Variants in LNX2 observed in about 807,000 individuals in gnomAD.
The protein encoded by LNX2 is ligand of numb-protein X 2, also known as ligand of Numb protein X 2.
In LNX2, 35 loss-of-function variants were observed where a neutral mutation model predicts 66.2. That is an observed-to-expected ratio of 0.53 (90% CI 0.40 to 0.70). The LOEUF (loss-of-function observed/expected upper bound fraction) is 0.70, where lower values mean the gene tolerates loss of function less well. LNX2 is among the 30% of genes least tolerant of loss of function. LNX2 has a pLI of 0.00. For synonymous variants in LNX2, 337 were observed against 315.6 expected, an observed-to-expected ratio of 1.07 and a Z score of -0.72; for missense variants, 791 against 850.8, an observed-to-expected ratio of 0.93 and a Z score of 0.87.
intron 1 of LNX2, among the ~76,000 whole-genome samples, chr13:27,590,652 C>G (rs909114963): frequency 1.2e-4 from 19 of 152,192 alleles, no homozygotes; most frequent in Middle Eastern, 6.8e-3. Flanking sequence ...CAATCTTATA[C>G]TTTTTCATAA....
chr13:27,592,260 T>G (rs558295531), intron 1 of LNX2, among the ~76,000 whole-genome samples: 1 of 152,248 alleles, frequency 6.6e-6, no homozygotes, highest in African/African-American at 2.4e-5. Context: ...TGAACATAGT[T>G]GAGATAGAGA....
chr13:27,594,881 A>G (rs1955580608), intron 1 of LNX2, among the ~76,000 whole-genome samples: 1 of 151,452 alleles, frequency 6.6e-6, no homozygotes, highest in Non-Finnish European at 1.5e-5. Flanking sequence ...TGTTGCACCT[A>G]CTCTTTTAGC....
chr13:27,589,471 T>C (rs962296239), intron 1 of LNX2, among the ~76,000 whole-genome samples: 1 of 152,228 alleles, frequency 6.6e-6, no homozygotes, highest in Admixed American at 6.5e-5. Context: ...TTAGTCTCAG[T>C]ATTTGTTCAT....
At chr13:27,560,092 C>T (rs539078128) in intron 5 of LNX2, 107 bp from the exon 6 acceptor site, 78 of 984,450 alleles carry the variant, frequency 7.9e-5, no homozygotes, top group African/African-American at 5.0e-4. Flanking sequence ...TGTACCAGGG[C>T]GTCATCTGGA....
intron 6 of LNX2, among the ~76,000 whole-genome samples, chr13:27,557,133 AAAAT>A (rs1955071249): frequency 6.6e-6 from 1 of 152,174 alleles, no homozygotes; most frequent in African/African-American, 2.4e-5. Flanking sequence ...AATTCAGTAA[AAAAT>A]AAGATGTACA....
At chr13:27,600,315 C>T (rs1302984476) in intron 1 of LNX2, among the ~76,000 whole-genome samples, 1 of 152,152 alleles carries the variant, frequency 6.6e-6, no homozygotes, top group Admixed American at 6.5e-5. Flanking sequence ...ACATTTCAAA[C>T]CCAATGCCAA....
At chr13:27,549,528 T>C (rs1954981817) in intron 9 of LNX2, among the ~76,000 whole-genome samples, 1 of 152,178 alleles carries the variant, frequency 6.6e-6, no homozygotes, top group Non-Finnish European at 1.5e-5. Context: ...CAGATAGTCC[T>C]GGGTTTGAAT....
rs1955434724 is a variant in LNX2, at chr13:27,583,235, T to TGCGC, written c.-100-1433_-100-1432insGCGC. 1.2e-4 allele frequency among the ~76,000 whole-genome samples: 2 copies of TGCGC among 17,144 alleles called. 1 individual carries two copies. Among genetic ancestry groups the TGCGC allele is most frequent in the Non-Finnish European group, 2.3e-4 (2 of 8,668 alleles). The allele number at this position is 17,144 out of a possible 152,430, so 11.2% of individuals were successfully genotyped here. ...GTGTGTGTGTGTGTGTGTGTGTGTG[T>TGCGC]GTGTGTGTGTGTGTGTGTGTGCGCG... On this transcript the variant is annotated intron_variant, in intron 1 of 9. Coordinates refer to ENST00000316334, the MANE Select transcript of LNX2 (RefSeq NM_153371.4).
chr13:27,567,364 A>G (rs1955219041), intron 4 of LNX2, among the ~76,000 whole-genome samples: 2 of 152,124 alleles, frequency 1.3e-5, no homozygotes, highest in African/African-American at 4.8e-5. Context: ...GGAAGAGGCT[A>G]GTCAGCCCAA....
intron 2 of LNX2, among the ~76,000 whole-genome samples, chr13:27,572,730 A>G (rs1955297351): frequency 6.6e-6 from 1 of 152,202 alleles, no homozygotes; most frequent in Non-Finnish European, 1.5e-5. Context: ...ACACTAGGAA[A>G]CACATGGTGC....
In LNX2 at chr13:27,547,466, TTTC is replaced by T. The variant is rs1954953932; in HGVS notation, c.*866_*868del. ...AATTTCTTTAGTGTTGTCAGACTTATTTCTTCATCTTCTATGAATATTGAGAGA... is the reference window on the plus strand; with the variant it reads ...AATTTCTTTAGTGTTGTCAGACTTATTTCATCTTCTATGAATATTGAGAGA... On this transcript the variant is annotated 3_prime_UTR_variant, in exon 10 of 10. Transcript: ENST00000316334. The T allele has an allele frequency of 6.6e-6, 1 of 152,240 alleles. No homozygotes were observed. The highest frequency in any genetic ancestry group is 2.1e-4 in the South Asian group (1 of 4,834). The allele number at this position is 152,240 out of a possible 1,614,324, so 9.4% of individuals were successfully genotyped here.
rs1191754002 is a variant in LNX2 at position 27,556,427 on chromosome 13, G to A, written c.1369-14C>T. ...CTGAGTAAGATCCTAAAACATACAA[G>A]AAAAAAATCATTGGATAATGAATAA... On this transcript the variant is annotated splice_polypyrimidine_tract_variant and intron_variant, in intron 6 of 9. Coordinates refer to ENST00000316334, the MANE Select transcript of LNX2 (RefSeq NM_153371.4). 11 of 1,601,694 alleles carry A rather than the reference G, an allele frequency of 6.9e-6. No homozygotes were observed. The highest frequency in any genetic ancestry group is 5.2e-5 in the Admixed American group (3 of 57,860).
chr13:27,583,198 G>GCGCGTCCTCTCCAATATAAC (rs1955424225), intron 1 of LNX2, among the ~76,000 whole-genome samples: 1 of 12,052 alleles, frequency 8.3e-5, no homozygotes, highest in African/African-American at 3.8e-4. Flanking sequence ...GTGTGTGTGT[G>GCGCGTCCTCTCCAATATAAC]TGTGTGTGTG....
At chr13:27,555,491 G>C (rs1955046952) in intron 7 of LNX2, among the ~76,000 whole-genome samples, 1 of 152,190 alleles carries the variant, frequency 6.6e-6, no homozygotes, top group Non-Finnish European at 1.5e-5. Flanking sequence ...CAGTTTTAAA[G>C]TCCAGTCTGT....
At position 27,581,584 on chromosome 13, in the gene LNX2, G is replaced by A; in HGVS notation, c.120C>T (p.Tyr40=). The A allele has an allele frequency of 6.2e-7, 1 of 1,614,156 alleles. No homozygotes were observed. Among genetic ancestry groups the A allele is most frequent in the Non-Finnish European group, 8.5e-7 (1 of 1,180,034 alleles). Residue 40 remains tyrosine, a synonymous_variant, in exon 2 of 10, where the codon TAC becomes TAT. Coordinates refer to ENST00000316334, the MANE Select transcript of LNX2 (RefSeq NM_153371.4). Reference sequence around the variant, plus strand: ...CTAGGTCATCATCCACTTCATTCTGGTAATTGTACAAATGGTTTTCTCTTG... The same window carrying A: ...CTAGGTCATCATCCACTTCATTCTGATAATTGTACAAATGGTTTTCTCTTG... ...HWTRENHLYN[Y]QNEVDDDLVC...
chr13:27,599,495 A>T (rs1239479979), intron 1 of LNX2, among the ~76,000 whole-genome samples: 2 of 152,170 alleles, frequency 1.3e-5, no homozygotes, highest in Non-Finnish European at 2.9e-5. Flanking sequence ...ATCTACTAGC[A>T]TCCTCATTGC....
intron 1 of LNX2, among the ~76,000 whole-genome samples, chr13:27,595,349 G>C (rs891916818): frequency 6.6e-6 from 1 of 152,194 alleles, no homozygotes; most frequent in Admixed American, 6.5e-5. Flanking sequence ...TTGTTTGCAT[G>C]TGTCTTCCCT....
chr13:27,556,180 ATG>A (rs1955057781), intron 7 of LNX2, 54 bp downstream of exon 7: 1 of 1,496,786 alleles, frequency 6.7e-7, no homozygotes, highest in African/African-American at 1.4e-5. Flanking sequence ...ATTTTTTTAA[ATG>A]TGCATTTAAT....
intron 9 of LNX2, 21 bp downstream of exon 9, chr13:27,550,312 A>T: frequency 1.2e-6 from 2 of 1,604,532 alleles, no homozygotes; most frequent in Non-Finnish European, 1.7e-6. Flanking sequence ...GAATCACATC[A>T]TTAATTAGAA....
Sources: gnomAD v4.1 joint callset for allele counts (sites outside exome capture counted in the v4.1 genomes callset) on GRCh38, gnomAD v4.1.1 for gene constraint, MANE v1.5 for transcripts, NCBI Gene and HGNC (gene_info 2026-07-23, HGNC 2026-07-21) for gene names.